NPL: variants seen among roughly 807,000 people sequenced by gnomAD.
The protein encoded by NPL is N-acetylneuraminate lyase.
NPL carries 32 observed loss-of-function variants against 41.1 expected under a neutral mutation model. The ratio of observed to expected loss-of-function variants is 0.78; its 90% CI spans 0.59 to 1.05. NPL has a LOEUF of 1.05. Among genes scored for constraint, NPL ranks in the 50% least tolerant of loss-of-function variants. NPL has a pLI of 0.00. For missense variants in NPL, 321 were observed against 378.4 expected (o/e 0.85, Z 1.26); for synonymous variants, 128 against 134.9 (o/e 0.95, Z 0.35).
chr1:182,822,034 T>C lies in NPL; in HGVS notation c.654-81T>C, dbSNP rs1292895102. ...GGAGGACTAGGTGTATTTTTTCCCT[T>C]TTAAACAGCAGAGGGATTTGAAGAT... On this transcript the variant is annotated intron_variant, in intron 10 of 12. Coordinates refer to ENST00000367553, the MANE Select transcript of NPL (RefSeq NM_030769.3). 7.3e-6 allele frequency: 7 copies of C among 956,946 alleles called. No individual in the cohort carries two copies. In the East Asian group the frequency reaches 1.5e-4, roughly 20 times the overall value. 59.3% of individuals were successfully genotyped at this position (956,946 alleles called of 1,614,324 possible). A position where few individuals can be genotyped will look rare whatever the true frequency, so the allele number is the denominator to read the frequency against.
intron 5 of NPL, chr1:182,806,527 G>A: frequency 6.5e-7 from 1 of 1,536,222 alleles, no homozygotes; most frequent in Non-Finnish European, 8.7e-7. Context: ...TCTTTGGGCT[G>A]AAAGGTAAGA....
chr1:182,796,127 T>G (rs2102527498), intron 3 of NPL, among the ~76,000 whole-genome samples: 1 of 150,236 alleles, frequency 6.7e-6, no homozygotes, highest in East Asian at 2.0e-4. Flanking sequence ...CAATTCTGCG[T>G]TTTTCTTCTA....
In NPL at chr1:182,806,129, C is replaced by T; in HGVS notation, c.143-16C>T. On this transcript the variant is annotated splice_polypyrimidine_tract_variant and intron_variant, in intron 4 of 12. Transcript: ENST00000367553. ...GGTGCTCCTTGGTCCTGCTGACTTA[C>T]TCTTTGTTTGAACAGTGAATGGCAC... is the stretch of plus-strand genomic sequence containing the variant. The T allele has an allele frequency of 6.2e-7, 1 of 1,614,148 alleles. No individual in the cohort carries two copies. The highest frequency in any genetic ancestry group is 8.5e-7 in the Non-Finnish European group (1 of 1,180,014).
At chr1:182,822,675 G>C (rs1667523015) in intron 11 of NPL, among the ~76,000 whole-genome samples, 1 of 152,146 alleles carries the variant, frequency 6.6e-6, no homozygotes, top group South Asian at 2.1e-4. Flanking sequence ...CATCCACCAG[G>C]AAGGAAATAA....
chr1:182,794,359 T>C lies in NPL; in HGVS notation c.-13T>C. 6.2e-7 allele frequency: 1 copy of C among 1,613,804 alleles called. No homozygotes were observed. The highest frequency in any genetic ancestry group is 8.5e-7 in the Non-Finnish European group (1 of 1,179,632). ...AATTACATTGTATGTTTTCCAGACC[T>C]ACCAGCAGCTCAATGGCCTTCCCAA... is the stretch of plus-strand genomic sequence containing the variant. On this transcript the variant is annotated 5_prime_UTR_variant, in exon 3 of 13. Coordinates refer to ENST00000367553, the MANE Select transcript of NPL (RefSeq NM_030769.3).
intron 1 of NPL, chr1:182,791,115 A>G (rs141716154): frequency 2.6e-5 from 4 of 152,172 alleles, no homozygotes; most frequent in Non-Finnish European, 4.4e-5. Context: ...ACTCTGATGT[A>G]AGGTTTTTAA....
At chr1:182,808,314 C>T (rs1667081014) in intron 5 of NPL, among the ~76,000 whole-genome samples, 1 of 152,088 alleles carries the variant, frequency 6.6e-6, no homozygotes, top group South Asian at 2.1e-4. Flanking sequence ...CTATTAGATG[C>T]CATGAAAGTC....
chr1:182,807,668 A>C (rs943320403), intron 5 of NPL, among the ~76,000 whole-genome samples: 1 of 149,044 alleles, frequency 6.7e-6, no homozygotes, highest in African/African-American at 2.5e-5. Flanking sequence ...CGAGGTCAGG[A>C]GATCGAGACC....
chr1:182,806,306 C>CGCCCT, intron 5 of NPL, 74 bp downstream of exon 5: 1 of 1,597,544 alleles, frequency 6.3e-7, no homozygotes, highest in Non-Finnish European at 8.5e-7. Flanking sequence ...CCAGAGGATA[C>CGCCCT]GCCCTCCCTG....
At chr1:182,809,291 C>T (rs1667110353) in intron 5 of NPL, 2 of 416,892 alleles carry the variant, frequency 4.8e-6, no homozygotes, top group Non-Finnish European at 9.5e-6. Flanking sequence ...GTAATCCCAG[C>T]ACTTTGGGAG....
At chr1:182,812,330 G>T in intron 6 of NPL, 117 bp downstream of exon 6, 1 of 913,832 alleles carries the variant, frequency 1.1e-6, no homozygotes. Context: ...GAAATAAGGT[G>T]TGGGATCTCA....
At chr1:182,813,239 C>G (rs1271191142) in intron 6 of NPL, among the ~76,000 whole-genome samples, 1 of 151,862 alleles carries the variant, frequency 6.6e-6, no homozygotes, top group East Asian at 1.9e-4. Flanking sequence ...ACCAAGTTTC[C>G]AGAACTTAGA....
At chr1:182,802,074 C>G (rs1276781053) in intron 3 of NPL, among the ~76,000 whole-genome samples, 1 of 152,184 alleles carries the variant, frequency 6.6e-6, no homozygotes, top group East Asian at 1.9e-4. Context: ...TGGTGCTAAC[C>G]TGCTTGTAAA....
chr1:182,818,671 C>T lies in NPL; in HGVS notation c.588C>T (p.Phe196=), dbSNP rs770649144. The change falls in exon 9 of 13, where the codon TTC becomes TTT. Residue 196 remains phenylalanine, a synonymous_variant. Transcript: ENST00000367553. ...AGAATCGCCAGCAACAGTTTGCTTT[C>T]CTTTTTGGGGTGGATGAGGTAAGTC... ...VDQNRQQQFA[F]LFGVDEQLLS... is the part of the protein sequence containing the mutation. 6.2e-7 allele frequency: 1 copy of T among 1,614,146 alleles called. No homozygotes were observed. Among genetic ancestry groups the T allele is most frequent in the East Asian group, 2.2e-5 (1 of 44,894 alleles).
intron 3 of NPL, among the ~76,000 whole-genome samples, chr1:182,796,184 AAAG>A (rs1376564204): frequency 2.6e-5 from 4 of 151,784 alleles, no homozygotes; most frequent in Non-Finnish European, 2.9e-5. Context: ...AAAAAAAAAA[AAAG>A]AATGCATTAT....
At chr1:182,811,876 T>C (rs895412619) in intron 5 of NPL, among the ~76,000 whole-genome samples, 1 of 152,160 alleles carries the variant, frequency 6.6e-6, no homozygotes, top group Admixed American at 6.6e-5. Flanking sequence ...ATACCTCCTT[T>C]GGGGGCTGAA....
At chr1:182,826,055 T>G in intron 12 of NPL, 1 of 590,002 alleles carries the variant, frequency 1.7e-6, no homozygotes, top group African/African-American at 1.9e-5. Context: ...TTTTCCATTC[T>G]TTCTCTCCTA....
rs1206089140 is a variant in NPL at position 182,822,141 on chromosome 1, C to T, written c.680C>T (p.Thr227Ile). 1 of 1,613,510 alleles carries T rather than the reference C, an allele frequency of 6.2e-7. No individual in the cohort carries two copies. Among genetic ancestry groups the T allele is most frequent in the Non-Finnish European group, 8.5e-7 (1 of 1,179,420 alleles). ...GSTYNYLGKK[T>I]NQMLEAFEQK... is the part of the protein sequence containing the mutation. Reference sequence around the variant, plus strand: ...ACCTATAACTACCTGGGAAAAAAGACAAACCAGATGTTGGAGGCTTTTGAA... The same window carrying T: ...ACCTATAACTACCTGGGAAAAAAGATAAACCAGATGTTGGAGGCTTTTGAA... Residue 227 changes from threonine (T) to isoleucine (I), a missense_variant, in exon 11 of 13, where the codon ACA (threonine) becomes ATA (isoleucine). Coordinates refer to ENST00000367553, the MANE Select transcript of NPL (RefSeq NM_030769.3).
chr1:182,818,808 A>T lies in NPL; in HGVS notation c.607-5A>T. 6.2e-7 allele frequency: 1 copy of T among 1,614,038 alleles called. No individual in the cohort carries two copies. The highest frequency in any genetic ancestry group is 1.3e-5 in the African/African-American group (1 of 75,000). On this transcript the variant is annotated splice_region_variant and splice_polypyrimidine_tract_variant and intron_variant, in intron 9 of 12. Transcript: ENST00000367553. ...TACAAGTGAATATTTTTTGTTTCTG[A>T]TTAGCAACTGTTGAGTGCTCTGGTG...
Sources: gnomAD v4.1 joint callset for allele counts (sites outside exome capture counted in the v4.1 genomes callset) on GRCh38, gnomAD v4.1.1 for gene constraint, MANE v1.5 for transcripts, NCBI Gene and HGNC (gene_info 2026-07-23, HGNC 2026-07-21) for gene names.